Variants in TMEM178B observed in about 807,000 individuals in gnomAD.
TMEM178B encodes the protein transmembrane protein 178B.
TMEM178B carries 5 observed loss-of-function variants against 31.0 expected under a neutral mutation model. That is an observed-to-expected ratio of 0.16 (90% CI 0.08 to 0.34). The LOEUF is 0.34. Among genes scored for constraint, TMEM178B ranks in the 10% least tolerant of loss-of-function variants. The pLI is 1.00. For synonymous variants in TMEM178B, 164 were observed against 164.0 expected (o/e 1.00, Z 0.00); for missense variants, 275 against 400.3 (o/e 0.69, Z 2.67).
At chr7:141,291,841 G>C (rs1401657035) in intron 2 of TMEM178B, among the ~76,000 whole-genome samples, 1 of 151,840 alleles carries the variant, frequency 6.6e-6, no homozygotes, top group African/African-American at 2.4e-5. Flanking sequence ...CAGAATTTTG[G>C]CAACTTGCTG....
At chr7:141,337,279 A>G (rs1799440230) in intron 2 of TMEM178B, among the ~76,000 whole-genome samples, 1 of 128,916 alleles carries the variant, frequency 7.8e-6, no homozygotes, top group African/African-American at 3.0e-5. Context: ...CACCATCACC[A>G]CTACCACCAC....
chr7:141,216,570 A>G (rs113745182), intron 2 of TMEM178B, among the ~76,000 whole-genome samples: 5 of 150,842 alleles, frequency 3.3e-5, no homozygotes, highest in Admixed American at 1.3e-4. Flanking sequence ...GTAGGGAAGA[A>G]GGGTGATCTT....
chr7:141,106,242 G>C (rs1795144181), intron 1 of TMEM178B, among the ~76,000 whole-genome samples: 2 of 152,168 alleles, frequency 1.3e-5, no homozygotes, highest in Admixed American at 1.3e-4. Context: ...TAAAACTGGG[G>C]TTCCCCTGCT....
intron 2 of TMEM178B, among the ~76,000 whole-genome samples, chr7:141,424,658 A>G (rs1436454614): frequency 1.3e-5 from 2 of 152,084 alleles, no homozygotes; most frequent in Non-Finnish European, 2.9e-5. Context: ...AAAACCCAAA[A>G]TATCACAACC....
At chr7:141,142,216 A>G (rs1300013529) in intron 1 of TMEM178B, among the ~76,000 whole-genome samples, 2 of 152,184 alleles carry the variant, frequency 1.3e-5, no homozygotes, top group Non-Finnish European at 2.9e-5. Context: ...ATGTTGCTGC[A>G]AAGGACACAA....
chr7:141,416,911 G>A (rs1199768069), intron 2 of TMEM178B, among the ~76,000 whole-genome samples: 2 of 152,214 alleles, frequency 1.3e-5, no homozygotes. Flanking sequence ...TACACGTGAA[G>A]CATGAAAAAT....
Position 141,429,504 on chromosome 7 carries a change from G to C in TMEM178B, c.497-8104G>C, listed in dbSNP as rs117394167. 4.6e-5 allele frequency among the ~76,000 whole-genome samples: 7 copies of C among 152,346 alleles called. No homozygotes were observed. In the East Asian group the frequency reaches 1.3e-3, roughly 29 times the overall value. On this transcript the variant is annotated intron_variant, in intron 2 of 3. Transcript: ENST00000565468. ...CTAAAAAGTTGATCACATAGAAGTA[G>C]AGAATAGAACAGTGGTTACCAGAGG...
intron 2 of TMEM178B, among the ~76,000 whole-genome samples, chr7:141,261,775 G>A (rs1798016091): frequency 6.6e-6 from 1 of 152,120 alleles, no homozygotes; most frequent in Non-Finnish European, 1.5e-5. Flanking sequence ...CAGGGAGTGC[G>A]TGCTCTGTCT....
At position 141,380,621 on chromosome 7, in the gene TMEM178B, A is replaced by G. The variant is rs976009513; in HGVS notation, c.497-56987A>G. On this transcript the variant is annotated intron_variant, in intron 2 of 3. Coordinates refer to ENST00000565468, the MANE Select transcript of TMEM178B (RefSeq NM_001195278.2). ...AATTCTATGTCCTTTTTAATAGTGG[A>G]AATCCAACTGCTTATTGTTGTTGTT... Among the ~76,000 whole-genome samples the G allele has an allele frequency of 4.6e-5, 7 of 152,210 alleles. No individual in the cohort carries two copies. In the South Asian group the frequency reaches 1.4e-3, roughly 32 times the overall value.
chr7:141,139,589 G>T (rs1417303380), intron 1 of TMEM178B, among the ~76,000 whole-genome samples: 1 of 151,938 alleles, frequency 6.6e-6, no homozygotes, highest in Non-Finnish European at 1.5e-5. Context: ...GCGATCGTCT[G>T]CCTTGGCCTC....
intron 2 of TMEM178B, among the ~76,000 whole-genome samples, chr7:141,375,715 G>T (rs1800201111): frequency 6.6e-6 from 1 of 152,208 alleles, no homozygotes; most frequent in Admixed American, 6.5e-5. Flanking sequence ...CATGGTTATT[G>T]TGGTGTATTT....
At chr7:141,336,894 C>G (rs1799403404) in intron 2 of TMEM178B, among the ~76,000 whole-genome samples, 1 of 127,960 alleles carries the variant, frequency 7.8e-6, no homozygotes, top group Non-Finnish European at 1.7e-5. Context: ...ATCACCGCTA[C>G]CACCACCACC....
At chr7:141,222,799 G>A (rs147833891) in intron 2 of TMEM178B, among the ~76,000 whole-genome samples, 63 of 152,324 alleles carry the variant, frequency 4.1e-4, no homozygotes, top group African/African-American at 1.5e-3. Flanking sequence ...CAATGTAGGA[G>A]TAGAAAGTGG....
chr7:141,276,554 C>T (rs1263773480), intron 2 of TMEM178B, among the ~76,000 whole-genome samples: 1 of 152,074 alleles, frequency 6.6e-6, no homozygotes, highest in Non-Finnish European at 1.5e-5. Flanking sequence ...CATCAGATCT[C>T]ATGAGAACTC....
At chr7:141,380,941 C>T (rs1586923375) in intron 2 of TMEM178B, among the ~76,000 whole-genome samples, 5 of 152,188 alleles carry the variant, frequency 3.3e-5, no homozygotes, top group Admixed American at 2.0e-4. Flanking sequence ...CTGGGGATTA[C>T]AGAGGCTAAC....
chr7:141,335,462 G>C (rs1363295662), intron 2 of TMEM178B, among the ~76,000 whole-genome samples: 1 of 152,166 alleles, frequency 6.6e-6, no homozygotes, highest in Non-Finnish European at 1.5e-5. Context: ...AGCTGGGTTT[G>C]ACCAGATCTC....
intron 2 of TMEM178B, among the ~76,000 whole-genome samples, chr7:141,402,157 C>T (rs767659806): frequency 6.6e-6 from 1 of 152,210 alleles, no homozygotes; most frequent in Non-Finnish European, 1.5e-5. Context: ...CACTAAAAGG[C>T]ACTCCAAGGA....
intron 1 of TMEM178B, among the ~76,000 whole-genome samples, chr7:141,082,520 A>G (rs1794703940): frequency 6.6e-6 from 1 of 152,260 alleles, no homozygotes; most frequent in African/African-American, 2.4e-5. Context: ...CGCCATGTGT[A>G]TGCCCATATG....
chr7:141,128,820 C>G lies in TMEM178B; in HGVS notation c.382+54128C>G, dbSNP rs17161933. 9.5e-4 allele frequency among the ~76,000 whole-genome samples: 144 copies of G among 152,180 alleles called. 1 individual carries two copies. The East Asian group carries it at 0.026, about 27-fold the overall frequency. The stretch of plus-strand genomic sequence containing the variant: ...CCAGGCCACATTCTCTAAAATTAGC[C>G]TCTTCTCCTCTGCTGTTGTCAGAAA... On this transcript the variant is annotated intron_variant, in intron 1 of 3. Transcript: ENST00000565468.
Sources: allele counts gnomAD v4.1 joint callset (sites outside exome capture counted in the v4.1 genomes callset), GRCh38; gene constraint gnomAD v4.1.1; transcripts MANE v1.5; gene names NCBI Gene and HGNC (gene_info 2026-07-23, HGNC 2026-07-21).